The following SIK3 variants were observed in gnomAD, a reference collection of about 807,000 sequenced individuals.
SIK3 encodes SIK family kinase 3, also known as serine/threonine-protein kinase SIK3.
In SIK3, 28 loss-of-function variants were observed where a neutral mutation model predicts 144.2. The ratio of observed to expected loss-of-function variants is 0.19; its 90% CI spans 0.14 to 0.27. SIK3 has a LOEUF of 0.27. Ranked by LOEUF, SIK3 falls within the 10% of genes least tolerant of loss-of-function variation. The pLI, the probability that SIK3 is intolerant of heterozygous loss-of-function variation, is 1.00. For missense variants in SIK3, 1,319 were observed against 1,776.0 expected (o/e 0.74, Z 4.62); for synonymous variants, 686 against 676.3 (o/e 1.01, Z -0.22).
At chr11:116,971,682 C>T (rs1055630720) in intron 1 of SIK3, among the ~76,000 whole-genome samples, 2 of 152,210 alleles carry the variant, frequency 1.3e-5, no homozygotes, top group African/African-American at 4.8e-5. Flanking sequence ...CCAAGTTTCT[C>T]CAAAATCCCA....
At chr11:117,008,647 T>C (rs1350784389) in intron 1 of SIK3, among the ~76,000 whole-genome samples, 1 of 152,198 alleles carries the variant, frequency 6.6e-6, no homozygotes, top group African/African-American at 2.4e-5. Context: ...ACTCCAGAAT[T>C]ACCTCAAAAT....
chr11:117,013,905 G>GTGTGTGTGTGTGTGTGTGTGTGTGT (rs1555127056), intron 1 of SIK3, among the ~76,000 whole-genome samples: 2 of 47,316 alleles, frequency 4.2e-5, no homozygotes, highest in East Asian at 4.4e-4. Context: ...TCTGAGGGGG[G>GTGTGTGTGTGTGTGTGTGTGTGTGT]GGGGGGGAGG....
At chr11:117,021,928 C>CAAAAAAAAAAAAAAAAAAAAAAAAAAAA (rs71037444) in intron 1 of SIK3, among the ~76,000 whole-genome samples, 8 of 59,006 alleles carry the variant, frequency 1.4e-4, no homozygotes, top group East Asian at 6.6e-4. Flanking sequence ...TCTGTCTCTA[C>CAAAAAAAAAAAAAAAAAAAAAAAAAAAA]AAAAAAAAAA....
chr11:116,862,362 G>C, intron 16 of SIK3, 35 bp from the exon 17 acceptor site: 1 of 1,612,588 alleles, frequency 6.2e-7, no homozygotes, highest in Non-Finnish European at 8.5e-7. Flanking sequence ...ATGGGATGCA[G>C]CCAGACCCGC....
chr11:116,976,640 T>C (rs1248496380), intron 1 of SIK3, among the ~76,000 whole-genome samples: 1 of 152,266 alleles, frequency 6.6e-6, no homozygotes, highest in Non-Finnish European at 1.5e-5. Context: ...CAGATATTGA[T>C]AGTTATCTTC....
chr11:116,862,513 C>A (rs1243308473), intron 16 of SIK3, among the ~76,000 whole-genome samples, 186 bp from the exon 17 acceptor site: 3 of 152,176 alleles, frequency 2.0e-5, no homozygotes, highest in Non-Finnish European at 4.4e-5. Flanking sequence ...ACATCCTGTT[C>A]TGTATGAATG....
intron 3 of SIK3, among the ~76,000 whole-genome samples, chr11:116,930,039 CT>C (rs112983703): frequency 1.7e-4 from 26 of 149,860 alleles, no homozygotes; most frequent in South Asian, 1.7e-3. Context: ...AAACAAATCA[CT>C]TTTTTTTTTC....
chr11:116,986,793 T>C (rs1038000785), intron 1 of SIK3, among the ~76,000 whole-genome samples: 3 of 152,200 alleles, frequency 2.0e-5, no homozygotes, highest in Non-Finnish European at 4.4e-5. Context: ...CACTCATGGA[T>C]CATGAAGAGT....
intron 1 of SIK3, among the ~76,000 whole-genome samples, chr11:117,007,204 C>T (rs1032370503): frequency 1.6e-4 from 24 of 152,268 alleles, no homozygotes; most frequent in African/African-American, 5.5e-4. Flanking sequence ...ACAGTGAAAC[C>T]CTGTCTCTAC....
At chr11:116,935,964 T>A (rs550199199) in intron 3 of SIK3, among the ~76,000 whole-genome samples, 2 of 152,162 alleles carry the variant, frequency 1.3e-5, no homozygotes, top group African/African-American at 4.8e-5. Context: ...AAAAACTTCA[T>A]CTAGGTATCA....
chr11:116,948,302 G>C (rs934212798), intron 3 of SIK3, among the ~76,000 whole-genome samples: 2 of 151,670 alleles, frequency 1.3e-5, no homozygotes, highest in Non-Finnish European at 2.9e-5. Flanking sequence ...TTTTAAGACA[G>C]GGTCTTGCTC....
chr11:117,006,661 G>GA (rs1565548865), intron 1 of SIK3, among the ~76,000 whole-genome samples: 1 of 151,404 alleles, frequency 6.6e-6, no homozygotes, highest in Admixed American at 6.6e-5. Context: ...AAGAAAGAAA[G>GA]AAAAAAAAGA....
intron 1 of SIK3, among the ~76,000 whole-genome samples, chr11:117,075,228 G>C (rs924432124): frequency 1.3e-5 from 2 of 152,182 alleles, no homozygotes; most frequent in Non-Finnish European, 2.9e-5. Context: ...ACTTTTCACT[G>C]TATTTCACTC....
chr11:117,032,258 G>A (rs1042103498), intron 1 of SIK3, among the ~76,000 whole-genome samples: 4 of 152,154 alleles, frequency 2.6e-5, no homozygotes, highest in Non-Finnish European at 5.9e-5. Context: ...AATTTGAGGA[G>A]AACTGACATC....
intron 1 of SIK3, among the ~76,000 whole-genome samples, chr11:117,081,764 T>C (rs1224717446): frequency 6.6e-6 from 1 of 152,106 alleles, no homozygotes; most frequent in Non-Finnish European, 1.5e-5. Flanking sequence ...GTTTCAGAGT[T>C]TAAACAACTA....
intron 4 of SIK3, among the ~76,000 whole-genome samples, chr11:116,897,714 C>T (rs1346745520): frequency 1.3e-5 from 2 of 152,134 alleles, no homozygotes; most frequent in Non-Finnish European, 2.9e-5. Context: ...GAAACCTCCT[C>T]TCCACCAACA....
intron 1 of SIK3, among the ~76,000 whole-genome samples, chr11:117,018,966 C>T (rs1951652258): frequency 6.6e-6 from 1 of 152,082 alleles, no homozygotes; most frequent in Admixed American, 6.5e-5. Flanking sequence ...CCCGCCTTGG[C>T]CTCCCAAAGT....
rs1010878698 is a variant in SIK3 at position 116,887,130 on chromosome 11, C to T, written c.865+9123G>A. ...AAAACTACATAAAACCATGGCTGGGCGTGATGGCTCACGCCTATGATCCCA... is the reference window on the plus strand; with the variant it reads ...AAAACTACATAAAACCATGGCTGGGTGTGATGGCTCACGCCTATGATCCCA... On this transcript the variant is annotated intron_variant, in intron 6 of 24. Coordinates refer to ENST00000445177, the MANE Select transcript of SIK3 (RefSeq NM_001366686.3). Among the ~76,000 whole-genome samples, 58 of 151,160 alleles carry T rather than the reference C, an allele frequency of 3.8e-4. 1 individual carries two copies. The highest frequency in any genetic ancestry group is 1.3e-3 in the African/African-American group (54 of 41,106).
intron 1 of SIK3, among the ~76,000 whole-genome samples, chr11:116,991,516 T>C (rs1013112409): frequency 3.3e-5 from 5 of 152,166 alleles, no homozygotes; most frequent in Admixed American, 3.3e-4. Context: ...GAGAAACAGG[T>C]ATAATTTGAA....
Sources: allele counts gnomAD v4.1 joint callset (sites outside exome capture counted in the v4.1 genomes callset), GRCh38; gene constraint gnomAD v4.1.1; transcripts MANE v1.5; gene names NCBI Gene and HGNC (gene_info 2026-07-23, HGNC 2026-07-21).